Variants in GBP3 observed in about 807,000 individuals in gnomAD.
The protein encoded by GBP3 is guanylate binding protein 3, also known as guanylate-binding protein 3.
Under a neutral mutation model 62.4 loss-of-function variants are expected in GBP3, and 55 were observed. The ratio of observed to expected loss-of-function variants is 0.88; its 90% CI spans 0.71 to 1.10. The LOEUF is 1.10. Among genes scored for constraint, GBP3 ranks in the 50% least tolerant of loss-of-function variants. The pLI is 0.00. For missense variants in GBP3, 605 were observed against 690.6 expected, an observed-to-expected ratio of 0.88 and a Z score of 1.39; for synonymous variants, 208 against 259.2, an observed-to-expected ratio of 0.80 and a Z score of 1.90.
chr1:89,019,992 G>A (rs1679090185), intron 2 of GBP3: 1 of 173,572 alleles, frequency 5.8e-6, no homozygotes, highest in African/African-American at 2.4e-5. Context: ...TAAACTTGCT[G>A]TTACTATGTG....
intron 6 of GBP3, 29 bp from the exon 7 acceptor site, chr1:89,012,056 T>C: frequency 2.1e-6 from 3 of 1,437,888 alleles, no homozygotes; most frequent in East Asian, 2.3e-5. Flanking sequence ...TGATAATGTT[T>C]CTTGTACTAA....
chr1:89,019,142 A>T (rs994544067), intron 2 of GBP3, among the ~76,000 whole-genome samples: 2 of 152,192 alleles, frequency 1.3e-5, no homozygotes, highest in Non-Finnish European at 2.9e-5. Context: ...GAAAGCAGGG[A>T]CTCGAACAGA....
intron 1 of GBP3, among the ~76,000 whole-genome samples, chr1:89,021,545 C>CACACACA (rs1553178197): frequency 1.1e-4 from 5 of 47,508 alleles, no homozygotes; most frequent in South Asian, 8.8e-4. Context: ...CACACACACA[C>CACACACA]CCCAAAAAAA....
intron 2 of GBP3, among the ~76,000 whole-genome samples, chr1:89,017,937 T>G (rs1268874933): frequency 2.0e-5 from 3 of 151,904 alleles, no homozygotes; most frequent in Non-Finnish European, 4.4e-5. Flanking sequence ...AACTGAGCCA[T>G]GCATGGTGGC....
In GBP3 at chr1:89,009,008, A is replaced by G. The variant is rs751820644; in HGVS notation, c.1598T>C (p.Met533Thr). 49 of 1,614,058 alleles carry G rather than the reference A, an allele frequency of 3.0e-5. No homozygotes were observed. The highest frequency in any genetic ancestry group is 3.7e-5 in the Non-Finnish European group (44 of 1,180,028). The change falls in exon 10 of 11, where the codon ATG becomes ACG. Residue 533 changes from methionine (M) to threonine (T), a missense_variant. By Grantham distance (81) the Met-to-Thr change is moderately conservative. Coordinates refer to ENST00000370481, the MANE Select transcript of GBP3 (RefSeq NM_018284.3). Reference protein sequence around the residue: ...QEHVKQLTEKMERERAQLLEE... With the variant: ...QEHVKQLTEKTERERAQLLEE... ...CAGCAACTGGGCCCTCTCCCTCTCC[A>G]TCTTCTCAGTCAATTGTTTCACATG...
In GBP3 at chr1:89,010,862, A is replaced by G. The variant is rs1369301993; in HGVS notation, c.1362+42T>C. The G allele has an allele frequency of 1.4e-6, 2 of 1,461,294 alleles. 1 individual carries two copies. The highest frequency in any genetic ancestry group is 3.6e-5 in the Admixed American group (2 of 55,964). The allele number at this position is 1,461,294 out of a possible 1,614,324, so 90.5% of individuals were successfully genotyped here. A position where few individuals can be genotyped will look rare whatever the true frequency, so the allele number is the denominator to read the frequency against. On this transcript the variant is annotated intron_variant, in intron 8 of 10. Coordinates refer to ENST00000370481, the MANE Select transcript of GBP3 (RefSeq NM_018284.3). ...GGTCACTTTGGTGTTCGTAGGAGGT[A>G]GGTCAGCAGGTTTCCATAATCGACA...
At position 89,007,862 on chromosome 1, in the gene GBP3, G is replaced by A. The variant is rs1260866456; in HGVS notation, c.1660-10C>T. 1 of 1,608,070 alleles carries A rather than the reference G, an allele frequency of 6.2e-7. No homozygotes were observed. Among genetic ancestry groups the A allele is most frequent in the Non-Finnish European group, 8.5e-7 (1 of 1,177,828 alleles). On this transcript the variant is annotated splice_polypyrimidine_tract_variant and intron_variant, in intron 10 of 10. Transcript: ENST00000370481. ...GTACTCGGGCCTGTTCCTAAAAAGGGACAAATGGAGGCTAAATAAGTGTAG... is the reference window on the plus strand; with the variant it reads ...GTACTCGGGCCTGTTCCTAAAAAGGAACAAATGGAGGCTAAATAAGTGTAG...
In GBP3 at chr1:89,009,410, T is replaced by C. The variant is rs752152038; in HGVS notation, c.1447A>G (p.Lys483Glu). ...TCCTCACCTTCAATCTCCTTTTCCT[T>C]TTCTGTGAGAATCTGGTCTGTCTGT... Reference protein sequence around the residue: ...ILQTDQILTEKEKEIEVECVK... With the variant: ...ILQTDQILTEEEKEIEVECVK... The change falls in exon 9 of 11, where the codon AAG becomes GAG. Residue 483 changes from lysine (K) to glutamate (E), a missense_variant. This residue lies in a region of GBP3 where 160 missense variants were observed against 147.8 expected (regional missense o/e 1.08). Coordinates refer to ENST00000370481, the MANE Select transcript of GBP3 (RefSeq NM_018284.3). 2 of 1,614,012 alleles carry C rather than the reference T, an allele frequency of 1.2e-6. No individual in the cohort carries two copies. Among genetic ancestry groups the C allele is most frequent in the African/African-American group, 1.3e-5 (1 of 74,942 alleles).
Position 89,011,828 on chromosome 1 carries a change from C to CA in GBP3, c.1067_1068insT (p.Arg356SerfsTer3). ...CTTCAGTGGCCTCCCTCTCACTAAC[C>CA]CTGTGCAGGTCCAGCAGCTCCTGGA... On this transcript the variant is annotated frameshift_variant, in exon 7 of 11. Coordinates refer to ENST00000370481, the MANE Select transcript of GBP3 (RefSeq NM_018284.3). LOFTEE classifies it high-confidence loss of function. 4 of 1,462,086 alleles carry CA rather than the reference C, an allele frequency of 2.7e-6. 1 individual carries two copies. The highest frequency in any genetic ancestry group is 3.8e-6 in the Non-Finnish European group (4 of 1,055,172). 90.6% of individuals were successfully genotyped at this position (1,462,086 alleles called of 1,614,324 possible). A position where few individuals can be genotyped will look rare whatever the true frequency, so the allele number is the denominator to read the frequency against.
Position 89,014,653 on chromosome 1 carries a change from C to T in GBP3, c.322G>A (p.Asp108Asn). ...TEGLGDVKKGDNQNDSWIFTL... is the reference protein window; with the variant it reads ...TEGLGDVKKGNNQNDSWIFTL... Reference sequence around the variant, plus strand: ...AAGATCCAGGAGTCATTCTGGTTGTCACCCTGGAAGTCAAGACACACTGGA... The same window carrying T: ...AAGATCCAGGAGTCATTCTGGTTGTTACCCTGGAAGTCAAGACACACTGGA... Residue 108 changes from aspartate (D) to asparagine (N), a missense_variant, in exon 4 of 11, where the codon GAC becomes AAC. Around this residue, in one of 3 missense-constraint regions of GBP3, gnomAD observed 308 missense variants for 318.0 expected, o/e 0.97. Transcript: ENST00000370481. 1 of 1,613,994 alleles carries T rather than the reference C, an allele frequency of 6.2e-7. No individual in the cohort carries two copies. The highest frequency in any genetic ancestry group is 8.5e-7 in the Non-Finnish European group (1 of 1,179,938).
rs1678554722 is a variant in GBP3, at chr1:89,011,240, C to T, written c.1150-124G>A. 2.5e-6 allele frequency: 3 copies of T among 1,218,062 alleles called. 1 individual carries two copies. Among genetic ancestry groups the T allele is most frequent in the Non-Finnish European group, 3.5e-6 (3 of 858,656 alleles). The allele number at this position is 1,218,062 out of a possible 1,614,324, so 75.5% of individuals were successfully genotyped here. On this transcript the variant is annotated intron_variant, in intron 7 of 10. Transcript: ENST00000370481. ...ATGCCGGAGAAACTGACAGACTCCTCAGCAGGACCACGCTCTTACTCCTGA... is the reference window on the plus strand; with the variant it reads ...ATGCCGGAGAAACTGACAGACTCCTTAGCAGGACCACGCTCTTACTCCTGA...
intron 1 of GBP3, among the ~76,000 whole-genome samples, chr1:89,022,120 C>T (rs1679274462): frequency 6.6e-6 from 1 of 151,816 alleles, no homozygotes; most frequent in African/African-American, 2.4e-5. Context: ...GAGAAACAAT[C>T]TGAAACAAAG....
rs1188642244 is a variant in GBP3, at chr1:89,007,954, T to G, written c.1660-102A>C. 7 of 1,070,068 alleles carry G rather than the reference T, an allele frequency of 6.5e-6. No individual in the cohort carries two copies. In the South Asian group the frequency reaches 1.3e-4, roughly 21 times the overall value. 66.3% of individuals were successfully genotyped at this position (1,070,068 alleles called of 1,614,324 possible). ...TTGATTTATTTAGTACTTAGTTTTT[T>G]TCTTGAAATTTTCTCTACCCTTGAT... On this transcript the variant is annotated intron_variant, in intron 10 of 10. Transcript: ENST00000370481.
intron 2 of GBP3, chr1:89,020,002 G>C (rs1679090316): frequency 1.1e-5 from 2 of 177,698 alleles, no homozygotes; most frequent in Non-Finnish European, 2.4e-5. Context: ...GTTACTATGT[G>C]AACATGGGCA....
At chr1:89,014,737 C>T in intron 3 of GBP3, 81 bp from the exon 4 acceptor site, 4 of 1,553,762 alleles carry the variant, frequency 2.6e-6, no homozygotes, top group Admixed American at 1.8e-5. Context: ...AAAAGTATAT[C>T]ATAAGTTAGA....
chr1:89,018,345 G>A (rs568505328), intron 2 of GBP3, among the ~76,000 whole-genome samples: 1 of 152,318 alleles, frequency 6.6e-6, no homozygotes, highest in African/African-American at 2.4e-5. Context: ...CTCTGGGAAT[G>A]GAATGAGACC....
At chr1:89,013,734 T>A (rs1179930616) in intron 5 of GBP3, 1 of 403,078 alleles carries the variant, frequency 2.5e-6, no homozygotes, top group Non-Finnish European at 4.4e-6. Flanking sequence ...ATATCCATTG[T>A]CCTTCATATT....
intron 10 of GBP3, among the ~76,000 whole-genome samples, chr1:89,008,258 A>T (rs545621651): frequency 3.3e-5 from 5 of 152,028 alleles, no homozygotes; most frequent in African/African-American, 1.2e-4. Flanking sequence ...CTGATTAGGT[A>T]TATGAATCTT....
At chr1:89,019,514 C>G (rs1392612612) in intron 2 of GBP3, among the ~76,000 whole-genome samples, 4 of 152,136 alleles carry the variant, frequency 2.6e-5, no homozygotes, top group Non-Finnish European at 5.9e-5. Flanking sequence ...TCTTGAACTC[C>G]CGACCTCAGG....
Sources: allele counts gnomAD v4.1 joint callset (sites outside exome capture counted in the v4.1 genomes callset), GRCh38; gene constraint gnomAD v4.1.1; regional missense constraint gnomAD v4.1.1; transcripts MANE v1.5; gene names NCBI Gene and HGNC (gene_info 2026-07-23, HGNC 2026-07-21).